The following NEXMIF variants were observed in gnomAD, a reference collection of about 807,000 sequenced individuals.
NEXMIF encodes neurite extension and migration factor.
In NEXMIF, 8 loss-of-function variants were observed where a neutral mutation model predicts 62.1. The observed-to-expected ratio is 0.13, with a 90% CI of 0.08 to 0.23. The LOEUF (loss-of-function observed/expected upper bound fraction) is 0.23, where lower values mean the gene tolerates loss of function less well. Ranked by LOEUF, NEXMIF falls within the 10% of genes least tolerant of loss-of-function variation. NEXMIF has a pLI of 1.00. For synonymous variants in NEXMIF, 404 were observed against 416.6 expected (o/e 0.97, Z 0.37); for missense variants, 976 against 1,113.3 (o/e 0.88, Z 1.75).
chrX:74,799,898 G>A (rs2080324289), intron 1 of NEXMIF, among the ~76,000 whole-genome samples: 1 of 111,186 alleles, frequency 9.0e-6, no homozygotes, highest in South Asian at 3.8e-4. Flanking sequence ...CAAAATATAA[G>A]AAGCAAAAAC....
intron 1 of NEXMIF, among the ~76,000 whole-genome samples, chrX:74,746,120 A>G (rs1191626396): frequency 8.9e-6 from 1 of 112,170 alleles, no homozygotes; most frequent in African/African-American, 3.2e-5. Context: ...CCTCATTTCT[A>G]TTTCAAATGA....
chrX:74,897,948 C>T (rs1262798821), intron 1 of NEXMIF, among the ~76,000 whole-genome samples: 1 of 111,830 alleles, frequency 8.9e-6, no homozygotes, highest in Non-Finnish European at 1.9e-5. Flanking sequence ...ACATGATATA[C>T]ATGTGTACAT....
intron 1 of NEXMIF, among the ~76,000 whole-genome samples, chrX:74,787,323 A>G (rs945662588): frequency 3.7e-4 from 41 of 110,208 alleles, no homozygotes; most frequent in African/African-American, 1.3e-3. Flanking sequence ...AGCTATGGGA[A>G]TGACAGTGTC....
chrX:74,891,770 G>A (rs893882908), intron 1 of NEXMIF, among the ~76,000 whole-genome samples: 1 of 112,016 alleles, frequency 8.9e-6, no homozygotes, highest in African/African-American at 3.2e-5. Context: ...AGAAATTATT[G>A]CTGTGGAACA....
intron 1 of NEXMIF, among the ~76,000 whole-genome samples, chrX:74,883,142 CT>C (rs1382080560): frequency 3.6e-5 from 4 of 111,716 alleles, no homozygotes. Flanking sequence ...AAAAACCCAT[CT>C]GTACGTCACC....
At chrX:74,876,097 G>A (rs774379852) in intron 1 of NEXMIF, among the ~76,000 whole-genome samples, 3 of 110,436 alleles carry the variant, frequency 2.7e-5, no homozygotes, top group South Asian at 7.7e-4. Context: ...TGTCAATTTT[G>A]GATCTTTCCT....
chrX:74,885,630 G>C (rs921303378), intron 1 of NEXMIF, among the ~76,000 whole-genome samples: 2 of 111,532 alleles, frequency 1.8e-5, no homozygotes, highest in African/African-American at 6.5e-5. Context: ...ACCAATAACA[G>C]GATCTGAAAT....
In NEXMIF at chrX:74,760,376, C is replaced by T. The variant is rs1384419410; in HGVS notation, c.-47-14679G>A. Among the ~76,000 whole-genome samples the T allele has an allele frequency of 7.2e-5, 8 of 111,350 alleles. No homozygotes were observed. In the East Asian group the frequency reaches 2.3e-3, roughly 31 times the overall value. ...CTTCCTCTCTTCCTATTTGGATGCC[C>T]TTTATTTCTTTCTCTTGTCTGATTA... On this transcript the variant is annotated intron_variant, in intron 1 of 3. Transcript: ENST00000055682.
intron 1 of NEXMIF, among the ~76,000 whole-genome samples, chrX:74,800,955 T>C (rs752361454): frequency 5.4e-5 from 6 of 111,398 alleles, no homozygotes; most frequent in Admixed American, 9.6e-5. Flanking sequence ...AAAAATGCTC[T>C]GTGCTCCACC....
chrX:74,868,269 T>C (rs775323172), intron 1 of NEXMIF, among the ~76,000 whole-genome samples: 2 of 111,970 alleles, frequency 1.8e-5, no homozygotes, highest in Admixed American at 9.5e-5. Flanking sequence ...AGCAATCCTG[T>C]TACTGGGTAT....
chrX:74,840,132 T>C (rs895391781), intron 1 of NEXMIF, among the ~76,000 whole-genome samples: 23 of 111,952 alleles, frequency 2.1e-4, no homozygotes, highest in African/African-American at 7.2e-4. Context: ...CGGCATCTCA[T>C]TGTGGTTTTG....
Position 74,733,740 on chromosome X carries a change from G to T in NEXMIF, c.*5665C>A, listed in dbSNP as rs1050240526. The T allele has an allele frequency of 4.5e-5, 5 of 112,120 alleles. No individual in the cohort carries two copies. The highest frequency in any genetic ancestry group is 1.3e-4 in the African/African-American group (4 of 30,776). The allele number at this position is 112,120 out of a possible 1,213,427, so 9.2% of individuals were successfully genotyped here. On this transcript the variant is annotated 3_prime_UTR_variant, in exon 4 of 4. Transcript: ENST00000055682. ...AATTTACAAGAAAATCTATAAAACA[G>T]CAAGAAGCTCACAAATGTTCATTTT...
intron 1 of NEXMIF, among the ~76,000 whole-genome samples, chrX:74,899,037 T>C (rs1357580485): frequency 9.0e-6 from 1 of 111,585 alleles, no homozygotes; most frequent in Non-Finnish European, 1.9e-5. Context: ...AATGTTAAGA[T>C]GTAAATACCA....
chrX:74,769,156 C>G (rs1280061932), intron 1 of NEXMIF, among the ~76,000 whole-genome samples: 2 of 110,176 alleles, frequency 1.8e-5, no homozygotes, highest in African/African-American at 6.6e-5. Flanking sequence ...TACATGCAAA[C>G]TGGCCTAGGA....
intron 1 of NEXMIF, among the ~76,000 whole-genome samples, chrX:74,903,918 T>C (rs966789391): frequency 4.2e-4 from 43 of 103,591 alleles, no homozygotes; most frequent in Admixed American, 3.2e-3. Flanking sequence ...TGTGTGTGTG[T>C]GTGAAGTGGT....
intron 1 of NEXMIF, among the ~76,000 whole-genome samples, chrX:74,821,245 C>T (rs968824191): frequency 1.8e-5 from 2 of 110,764 alleles, no homozygotes; most frequent in African/African-American, 3.3e-5. Flanking sequence ...TCTTTTTCTT[C>T]TCTATCCTCT....
chrX:74,796,546 T>C (rs1483113717), intron 1 of NEXMIF, among the ~76,000 whole-genome samples: 2 of 107,489 alleles, frequency 1.9e-5, no homozygotes, highest in Admixed American at 1.1e-4. Flanking sequence ...AAACACAAGA[T>C]GAGCCTGGAG....
chrX:74,870,382 G>A (rs2080596169), intron 1 of NEXMIF, among the ~76,000 whole-genome samples: 1 of 111,160 alleles, frequency 9.0e-6, no homozygotes, highest in Admixed American at 9.7e-5. Context: ...AAAACCTTGA[G>A]GAAACTCTCC....
At chrX:74,885,271 G>T (rs1048507386) in intron 1 of NEXMIF, among the ~76,000 whole-genome samples, 3 of 111,557 alleles carry the variant, frequency 2.7e-5, no homozygotes, top group Non-Finnish European at 5.6e-5. Context: ...TCAAAAGCTA[G>T]CAGAAAGCAA....
Sources: allele counts gnomAD v4.1 joint callset (sites outside exome capture counted in the v4.1 genomes callset), GRCh38; gene constraint gnomAD v4.1.1; transcripts MANE v1.5; gene names NCBI Gene and HGNC (gene_info 2026-07-23, HGNC 2026-07-21).